Variants in FARP2 observed in about 807,000 individuals in gnomAD.
FARP2 encodes FERM, ARH/RhoGEF and pleckstrin domain protein 2, also known as FERM, ARHGEF and pleckstrin domain-containing protein 2.
FARP2 carries 111 observed loss-of-function variants against 130.5 expected under a neutral mutation model. The ratio of observed to expected loss-of-function variants is 0.85; its 90% CI spans 0.73 to 1.00. The LOEUF is 1.00. Ranked by LOEUF, FARP2 falls within the 50% of genes least tolerant of loss-of-function variation. The probability of loss-of-function intolerance (pLI) is 0.00; values close to 1 mark genes in which losing one functional copy is unlikely to be tolerated. For missense variants in FARP2, 1,385 were observed against 1,346.3 expected, an observed-to-expected ratio of 1.03 and a Z score of -0.45; for synonymous variants, 504 against 516.9, an observed-to-expected ratio of 0.98 and a Z score of 0.34.
chr2:241,475,779 C>A lies in FARP2; in HGVS notation c.2132-78C>A. The A allele has an allele frequency of 7.7e-7, 1 of 1,302,538 alleles. No homozygotes were observed. The highest frequency in any genetic ancestry group is 1.0e-6 in the Non-Finnish European group (1 of 981,038). 80.7% of individuals were successfully genotyped at this position (1,302,538 alleles called of 1,614,324 possible). On this transcript the variant is annotated intron_variant, in intron 18 of 26. Coordinates refer to ENST00000264042, the MANE Select transcript of FARP2 (RefSeq NM_014808.4). This position sits in a 1 kb window ranked among gnomAD's most constrained non-coding sequence, Gnocchi z 4.4. ...AGAACTGCCTTTTAGAATGCTGGTT[C>A]CTGTCACAAGGTGGTGGGTGGAGGG...
intron 13 of FARP2, among the ~76,000 whole-genome samples, chr2:241,448,418 A>G (rs1480024491): frequency 6.6e-6 from 1 of 152,242 alleles, no homozygotes; most frequent in Admixed American, 6.5e-5. Flanking sequence ...TTCAGATTAT[A>G]TTTCTTTCCT....
intron 4 of FARP2, among the ~76,000 whole-genome samples, chr2:241,405,964 C>CT (rs1224981902): frequency 6.6e-6 from 1 of 151,604 alleles, no homozygotes; most frequent in African/African-American, 2.4e-5. Context: ...AACACATTAA[C>CT]TTTTTTTTAA....
At chr2:241,466,680 CT>C (rs1287895882) in intron 17 of FARP2, 8 of 819,620 alleles carry the variant, frequency 9.8e-6, no homozygotes, top group Non-Finnish European at 1.2e-5. Flanking sequence ...CTTCACTCCC[CT>C]TCCAACCACC....
intron 17 of FARP2, chr2:241,466,583 G>A (rs2064174903): frequency 1.0e-6 from 1 of 985,196 alleles, no homozygotes; most frequent in African/African-American, 1.7e-5. Context: ...CCTAGCGAGT[G>A]TGGATGCATA....
At chr2:241,468,500 T>C in intron 18 of FARP2, 123 bp downstream of exon 18, 1 of 699,576 alleles carries the variant, frequency 1.4e-6, no homozygotes, top group South Asian at 1.7e-5. Flanking sequence ...CATTAGGGCC[T>C]GGACCACAGT....
At chr2:241,368,283 C>T (rs1439235350) in intron 1 of FARP2, among the ~76,000 whole-genome samples, 1 of 152,062 alleles carries the variant, frequency 6.6e-6, no homozygotes, top group African/African-American at 2.4e-5. Flanking sequence ...GCACAATAAG[C>T]TGAGTCCCCC....
At chr2:241,414,716 T>C (rs764772267) in intron 7 of FARP2, among the ~76,000 whole-genome samples, 13 of 152,208 alleles carry the variant, frequency 8.5e-5, no homozygotes, top group South Asian at 4.1e-4. Context: ...TCATGAGATA[T>C]ACAGATGCGT....
At chr2:241,389,523 T>C (rs2061859762) in intron 2 of FARP2, among the ~76,000 whole-genome samples, 1 of 152,214 alleles carries the variant, frequency 6.6e-6, no homozygotes, top group Non-Finnish European at 1.5e-5. Context: ...GCCCAGTCTA[T>C]GGTGTATTTA....
chr2:241,366,099 A>AT (rs1433932443), intron 1 of FARP2, among the ~76,000 whole-genome samples: 899 of 64,658 alleles, frequency 0.014, 8 homozygotes, highest in Middle Eastern at 0.067. Flanking sequence ...TACTAAAAAA[A>AT]AAAAAATATA....
intron 10 of FARP2, 67 bp from the exon 11 acceptor site, chr2:241,434,874 ATGGGTAAATCTTTTCTTTTGT>A (rs1435253369): frequency 8.3e-5 from 67 of 807,560 alleles, no homozygotes; most frequent in Non-Finnish European, 1.3e-4. Context: ...ATGAGAGAGG[ATGGGTAAATCTTTTCTTTTGT>A]CTTTTACTCT....
At chr2:241,493,175 A>C (rs555412806) in intron 25 of FARP2, 118 bp from the exon 26 acceptor site, 1 of 1,284,346 alleles carries the variant, frequency 7.8e-7, no homozygotes, top group Admixed American at 1.8e-5. Flanking sequence ...GAACAGGGAA[A>C]CTGGCTCCCT....
At chr2:241,440,503 C>T (rs1574830523) in intron 12 of FARP2, among the ~76,000 whole-genome samples, 1 of 152,128 alleles carries the variant, frequency 6.6e-6, no homozygotes, top group Non-Finnish European at 1.5e-5. Flanking sequence ...GGAGCTGCTT[C>T]TCCCTCAGAC....
chr2:241,430,411 A>G (rs535927723), intron 8 of FARP2, among the ~76,000 whole-genome samples: 29 of 152,188 alleles, frequency 1.9e-4, no homozygotes, highest in Non-Finnish European at 4.1e-4. Context: ...TTTGTGGGGT[A>G]TCACCACTTC....
rs184579605 is a variant in FARP2, at chr2:241,416,419, A to G, written c.624-1543A>G. Among the ~76,000 whole-genome samples, 6 of 152,168 alleles carry G rather than the reference A, an allele frequency of 3.9e-5. No individual in the cohort carries two copies. In the East Asian group the frequency reaches 1.2e-3, roughly 29 times the overall value. Reference sequence around the variant, plus strand: ...AGACTGTGTCTGTCACAGTCACCACAGCTTCGTTGCACATCTTATTTCTTT... The same window carrying G: ...AGACTGTGTCTGTCACAGTCACCACGGCTTCGTTGCACATCTTATTTCTTT... On this transcript the variant is annotated intron_variant, in intron 7 of 26. Transcript: ENST00000264042.
At chr2:241,398,009 T>A (rs2062073639) in intron 2 of FARP2, among the ~76,000 whole-genome samples, 1 of 151,436 alleles carries the variant, frequency 6.6e-6, no homozygotes, top group African/African-American at 2.4e-5. Context: ...TTTTTTGCAT[T>A]TTTAGTAGAG....
At chr2:241,409,027 AGATAGATAGAT>A (rs1002515691) in intron 5 of FARP2, among the ~76,000 whole-genome samples, 1 of 132,070 alleles carries the variant, frequency 7.6e-6, no homozygotes, top group Admixed American at 7.8e-5. Flanking sequence ...AGAGATAGAT[AGATAGATAGAT>A]GATAGATAGA....
At chr2:241,437,856 G>A (rs146454105) in intron 12 of FARP2, among the ~76,000 whole-genome samples, 3,299 of 151,864 alleles carry the variant, frequency 0.022, 113 homozygotes, top group African/African-American at 0.069. Context: ...TAGTAGAGAC[G>A]GGGTTTCACT....
chr2:241,379,870 A>T (rs2061620883), intron 2 of FARP2, among the ~76,000 whole-genome samples: 1 of 152,166 alleles, frequency 6.6e-6, no homozygotes, highest in African/African-American at 2.4e-5. Flanking sequence ...AAAACCTGTT[A>T]TTTTGTCTTG....
Position 241,456,785 on chromosome 2 carries a change from C to G in FARP2, c.1450C>G (p.Arg484Gly), listed in dbSNP as rs189584342. 1.2e-6 allele frequency: 2 copies of G among 1,614,052 alleles called. No homozygotes were observed. The highest frequency in any genetic ancestry group is 1.7e-6 in the Non-Finnish European group (2 of 1,180,028). The change falls in exon 14 of 27, where the codon CGG (arginine) becomes GGG (glycine). Residue 484 changes from arginine to glycine, a missense_variant. Transcript: ENST00000264042. ...GAGTCCTCAGCCTTCTCCCTCCAGC[C>G]GGAAGAGCCCCCTGAGTCTGAGCCC... is the stretch of plus-strand genomic sequence containing the variant. The part of the protein sequence containing the change: ...TKSPQPSPSS[R>G]KSPLSLSPAF...
Sources: gnomAD v4.1 joint callset for allele counts (sites outside exome capture counted in the v4.1 genomes callset) on GRCh38, gnomAD v4.1.1 for gene constraint, Gnocchi (gnomAD v3.1) non-coding constraint, MANE v1.5 for transcripts, NCBI Gene and HGNC (gene_info 2026-07-23, HGNC 2026-07-21) for gene names.